The following CFAP43 variants were observed in gnomAD, a reference collection of about 807,000 sequenced individuals.
CFAP43 encodes the protein cilia- and flagella-associated protein 43.
In CFAP43, 155 loss-of-function variants were observed where a neutral mutation model predicts 218.9. The observed-to-expected ratio is 0.71, with a 90% CI of 0.62 to 0.81. CFAP43 has a LOEUF of 0.81. CFAP43 is among the 30% of genes least tolerant of loss of function. CFAP43 has a pLI of 0.00. For missense variants in CFAP43, 1,778 were observed against 1,954.3 expected (o/e 0.91, Z 1.70); for synonymous variants, 645 against 681.3 (o/e 0.95, Z 0.83).
intron 32 of CFAP43, among the ~76,000 whole-genome samples, 165 bp from the exon 33 acceptor site, chr10:104,142,558 A>G (rs1377177255): frequency 6.6e-6 from 1 of 152,222 alleles, no homozygotes; most frequent in East Asian, 1.9e-4. Context: ...GTATGTAACA[A>G]TTTGAACGAT....
intron 2 of CFAP43, among the ~76,000 whole-genome samples, chr10:104,228,653 C>T (rs1399286656): frequency 1.3e-5 from 2 of 152,094 alleles, no homozygotes; most frequent in Non-Finnish European, 2.9e-5. Flanking sequence ...GAATATATTT[C>T]TATATATTTA....
At chr10:104,201,517 A>G (rs1055098304) in intron 8 of CFAP43, among the ~76,000 whole-genome samples, 1 of 151,972 alleles carries the variant, frequency 6.6e-6, no homozygotes, top group African/African-American at 2.4e-5. Flanking sequence ...TAACATGTGT[A>G]CCTAATTTAT....
At chr10:104,184,960 A>G in intron 16 of CFAP43, 56 bp downstream of exon 16, 1 of 1,572,362 alleles carries the variant, frequency 6.4e-7, no homozygotes, top group Non-Finnish European at 8.6e-7. Context: ...TAATAATAAA[A>G]TCTCTATTTT....
chr10:104,181,106 T>C (rs1201128979), intron 17 of CFAP43, among the ~76,000 whole-genome samples: 1 of 152,222 alleles, frequency 6.6e-6, no homozygotes, highest in African/African-American at 2.4e-5. Context: ...TCGAGCTTAA[T>C]GTGGGTAAAA....
intron 27 of CFAP43, among the ~76,000 whole-genome samples, 200 bp downstream of exon 27, chr10:104,160,837 T>C (rs2088832444): frequency 6.6e-6 from 1 of 152,214 alleles, no homozygotes; most frequent in South Asian, 2.1e-4. Context: ...AAAAAAACTA[T>C]TGCTGTATGT....
At chr10:104,193,644 T>C (rs2090296074) in intron 11 of CFAP43, 1 of 496,412 alleles carries the variant, frequency 2.0e-6, no homozygotes, top group African/African-American at 1.9e-5. Context: ...AGGAGAGACA[T>C]GAGAAATTGG....
chr10:104,192,365 T>C, intron 11 of CFAP43, 63 bp from the exon 12 acceptor site: 3 of 1,236,838 alleles, frequency 2.4e-6, no homozygotes, highest in Non-Finnish European at 3.5e-6. Context: ...GGTGAACAAG[T>C]TTATTGAATG....
At chr10:104,203,838 C>T in intron 7 of CFAP43, 35 bp from the exon 8 acceptor site, 1 of 1,562,154 alleles carries the variant, frequency 6.4e-7, no homozygotes, top group South Asian at 1.3e-5. Context: ...GAAAATCAGT[C>T]TTAGTCAATG....
chr10:104,132,005 A>G, intron 36 of CFAP43, 111 bp downstream of exon 36: 1 of 789,168 alleles, frequency 1.3e-6, no homozygotes, highest in Middle Eastern at 2.5e-4. Flanking sequence ...ATACTAGTAA[A>G]TAACCAAGAT....
chr10:104,203,989 G>A (rs1424208603), intron 7 of CFAP43, among the ~76,000 whole-genome samples, 186 bp from the exon 8 acceptor site: 1 of 152,168 alleles, frequency 6.6e-6, no homozygotes, highest in Non-Finnish European at 1.5e-5. Context: ...CCCTGGTCAA[G>A]CTTCAGTCTG....
chr10:104,194,101 C>G, intron 10 of CFAP43, 87 bp from the exon 11 acceptor site: 1 of 1,487,600 alleles, frequency 6.7e-7, no homozygotes, highest in South Asian at 1.3e-5. Flanking sequence ...ACTTGAAAAG[C>G]CTGCAGGATG....
rs994135973 is a variant in CFAP43, at chr10:104,146,358, G to C, written c.3769-9C>G. ...GCTTCTGAAGTCTGGCTCTATAACA[G>C]CATCAGGAATAGTTGATTGAAACTG... On this transcript the variant is annotated splice_polypyrimidine_tract_variant and intron_variant, in intron 29 of 37. Transcript: ENST00000357060. The C allele has an allele frequency of 1.9e-6, 3 of 1,610,308 alleles. No homozygotes were observed. The highest frequency in any genetic ancestry group is 2.5e-6 in the Non-Finnish European group (3 of 1,176,904).
intron 34 of CFAP43, among the ~76,000 whole-genome samples, chr10:104,135,108 A>T (rs1269099368): frequency 6.6e-6 from 1 of 152,184 alleles, no homozygotes; most frequent in Non-Finnish European, 1.5e-5. Flanking sequence ...CATTAACAGA[A>T]CAAATTTAAA....
At chr10:104,225,785 T>G (rs1173326308) in intron 2 of CFAP43, among the ~76,000 whole-genome samples, 1 of 152,194 alleles carries the variant, frequency 6.6e-6, no homozygotes, top group East Asian at 1.9e-4. Context: ...GACCATTAGG[T>G]TACTGTCTCT....
intron 5 of CFAP43, among the ~76,000 whole-genome samples, chr10:104,210,268 T>A (rs1242717657): frequency 6.6e-6 from 1 of 152,272 alleles, no homozygotes; most frequent in Admixed American, 6.5e-5. Flanking sequence ...ATCATTGACA[T>A]TCATTAGAGG....
chr10:104,160,345 A>C (rs1279211414), intron 27 of CFAP43, among the ~76,000 whole-genome samples: 1 of 152,252 alleles, frequency 6.6e-6, no homozygotes, highest in African/African-American at 2.4e-5. Context: ...AAATGTGGAC[A>C]GGTTCACAAC....
At chr10:104,197,654 G>A (rs1356477041) in intron 9 of CFAP43, among the ~76,000 whole-genome samples, 1 of 152,184 alleles carries the variant, frequency 6.6e-6, no homozygotes, top group Non-Finnish European at 1.5e-5. Flanking sequence ...CCAAAAGATG[G>A]CTCCTAAGAT....
chr10:104,227,476 G>A (rs1308440834), intron 2 of CFAP43, among the ~76,000 whole-genome samples: 1 of 152,184 alleles, frequency 6.6e-6, no homozygotes, highest in African/African-American at 2.4e-5. Flanking sequence ...TTGATAGGCA[G>A]AAAAATAGCA....
chr10:104,214,876 G>A (rs1347858643), intron 3 of CFAP43, among the ~76,000 whole-genome samples: 2 of 152,122 alleles, frequency 1.3e-5, no homozygotes, highest in African/African-American at 4.8e-5. Flanking sequence ...GGTGGCTCAC[G>A]CCTGTAATCC....
Sources: allele counts gnomAD v4.1 joint callset (sites outside exome capture counted in the v4.1 genomes callset), GRCh38; gene constraint gnomAD v4.1.1; transcripts MANE v1.5; gene names NCBI Gene and HGNC (gene_info 2026-07-23, HGNC 2026-07-21).